Variants in ARHGEF26 observed in about 807,000 individuals in gnomAD.
ARHGEF26 encodes the protein Rho guanine nucleotide exchange factor (GEF) 26.
Under a neutral mutation model 89.4 loss-of-function variants are expected in ARHGEF26, and 59 were observed. The ratio of observed to expected loss-of-function variants is 0.66; its 90% confidence interval spans 0.54 to 0.82. The LOEUF is 0.82. ARHGEF26 is among the 40% of genes least tolerant of loss of function. ARHGEF26 has a pLI of 0.00. For synonymous variants in ARHGEF26, 500 were observed against 428.4 expected, an observed-to-expected ratio of 1.17 and a Z score of -2.06; for missense variants, 1,234 against 1,085.6, an observed-to-expected ratio of 1.14 and a Z score of -1.92.
At chr3:154,239,297 A>AGTGTGTGT (rs1717337753) in intron 11 of ARHGEF26, among the ~76,000 whole-genome samples, 2 of 52,952 alleles carry the variant, frequency 3.8e-5, no homozygotes, top group African/African-American at 1.4e-4. Context: ...AGAGAGAGAG[A>AGTGTGTGT]GAGTGTGTGT....
At chr3:154,183,800 A>G (rs1300649690) in intron 6 of ARHGEF26, among the ~76,000 whole-genome samples, 2 of 152,214 alleles carry the variant, frequency 1.3e-5, no homozygotes, top group Admixed American at 1.3e-4. Flanking sequence ...GTGATAAATG[A>G]AATTTTCCTT....
At chr3:154,136,217 T>C (rs1032460702) in intron 4 of ARHGEF26, among the ~76,000 whole-genome samples, 1 of 151,874 alleles carries the variant, frequency 6.6e-6, no homozygotes, top group Non-Finnish European at 1.5e-5. Context: ...TTTCTTAAAG[T>C]ATTTTAATTT....
At chr3:154,246,433 G>A (rs959481117) in intron 12 of ARHGEF26, among the ~76,000 whole-genome samples, 9 of 152,168 alleles carry the variant, frequency 5.9e-5, no homozygotes, top group African/African-American at 1.9e-4. Context: ...TCCTCAAGTA[G>A]TTACCAGCCT....
At chr3:154,178,783 T>C (rs1166457074) in intron 6 of ARHGEF26, among the ~76,000 whole-genome samples, 1 of 152,180 alleles carries the variant, frequency 6.6e-6, no homozygotes, top group African/African-American at 2.4e-5. Flanking sequence ...ATGTTTAACA[T>C]TTTGAAGAAC....
At chr3:154,236,074 G>A (rs1181328144) in intron 11 of ARHGEF26, among the ~76,000 whole-genome samples, 1 of 152,028 alleles carries the variant, frequency 6.6e-6, no homozygotes, top group East Asian at 1.9e-4. Context: ...TTGATAATAA[G>A]GTATATCATT....
intron 13 of ARHGEF26, among the ~76,000 whole-genome samples, chr3:154,254,218 T>C (rs1038483615): frequency 6.6e-6 from 1 of 152,194 alleles, no homozygotes; most frequent in African/African-American, 2.4e-5. Context: ...CCCGGCCACA[T>C]GTCAGCATTT....
intron 9 of ARHGEF26, among the ~76,000 whole-genome samples, chr3:154,198,635 C>T (rs912279279): frequency 3.3e-5 from 5 of 151,916 alleles, no homozygotes; most frequent in African/African-American, 1.2e-4. Context: ...GAATGGAAAA[C>T]CAAATATCAT....
Position 154,227,872 on chromosome 3 carries a change from G to A in ARHGEF26, c.2090+1862G>A, listed in dbSNP as rs1446149670. Among the ~76,000 whole-genome samples, 3 of 152,092 alleles carry A rather than the reference G, an allele frequency of 2.0e-5. 1 individual carries two copies. The highest frequency in any genetic ancestry group is 4.8e-5 in the African/African-American group (2 of 41,382). ...CAATTTTAAATATAAATGTAATTTC[G>A]ATTATGATGACTTTGGTGACTTAAT... On this transcript the variant is annotated intron_variant, in intron 11 of 14. Coordinates refer to ENST00000465093, the MANE Select transcript of ARHGEF26 (RefSeq NM_015595.4).
rs1324480739 is a variant in ARHGEF26, at chr3:154,255,445, G to A, written c.2588G>A (p.Arg863His). The change falls in exon 15 of 15, where the codon CGC becomes CAC. Residue 863 changes from arginine to histidine, a missense_variant. Physicochemically the swap from Arg to His is conservative, Grantham distance 29. Transcript: ENST00000465093. ...TIDKNVERMG[R>H]LLGLETNV is the part of the protein sequence containing the mutation. ...GATAAGAATGTGGAGAGAATGGGACGCTTGCTAGGACTGGAGACCAACGTG... is the reference window on the plus strand; with the variant it reads ...GATAAGAATGTGGAGAGAATGGGACACTTGCTAGGACTGGAGACCAACGTG... The A allele has an allele frequency of 6.2e-7, 1 of 1,613,700 alleles. No individual in the cohort carries two copies. Among genetic ancestry groups the A allele is most frequent in the Non-Finnish European group, 8.5e-7 (1 of 1,179,750 alleles).
At chr3:154,204,691 G>A (rs1455377255) in intron 9 of ARHGEF26, among the ~76,000 whole-genome samples, 1 of 151,982 alleles carries the variant, frequency 6.6e-6, no homozygotes, top group Non-Finnish European at 1.5e-5. Flanking sequence ...ACTGCTTTTA[G>A]TGTATCACAT....
intron 6 of ARHGEF26, among the ~76,000 whole-genome samples, chr3:154,158,532 G>C (rs1023592253): frequency 1.3e-5 from 2 of 152,118 alleles, no homozygotes; most frequent in Admixed American, 6.6e-5. Flanking sequence ...CTTTGGGTCA[G>C]TGTCAGGGAA....
At chr3:154,239,261 GGA>G (rs869046214) in intron 11 of ARHGEF26, among the ~76,000 whole-genome samples, 48 of 105,650 alleles carry the variant, frequency 4.5e-4, no homozygotes, top group Admixed American at 1.1e-3. Context: ...AGAGAGAGAG[GGA>G]GAGAGAGAGA....
intron 4 of ARHGEF26, among the ~76,000 whole-genome samples, chr3:154,134,238 A>T (rs995816098): frequency 6.6e-6 from 1 of 151,984 alleles, no homozygotes; most frequent in African/African-American, 2.4e-5. Context: ...GACTTCCAGT[A>T]CTATTGTATT....
At chr3:154,235,156 C>CA (rs888637887) in intron 11 of ARHGEF26, among the ~76,000 whole-genome samples, 3 of 151,958 alleles carry the variant, frequency 2.0e-5, no homozygotes, top group Non-Finnish European at 4.4e-5. Context: ...TGCCATCTCT[C>CA]AAAAAACCCT....
intron 6 of ARHGEF26, among the ~76,000 whole-genome samples, chr3:154,176,760 G>C (rs16823767): frequency 6.6e-6 from 1 of 152,052 alleles, no homozygotes; most frequent in African/African-American, 2.4e-5. Flanking sequence ...GGCCAGAGAC[G>C]TTTTTAGAAG....
chr3:154,190,288 G>T (rs1713875561), intron 7 of ARHGEF26, among the ~76,000 whole-genome samples: 7 of 152,170 alleles, frequency 4.6e-5, no homozygotes, highest in Admixed American at 4.6e-4. Context: ...GAGGCAGGTG[G>T]ATTACTTGAG....
chr3:154,205,379 G>A (rs1007662079), intron 9 of ARHGEF26, among the ~76,000 whole-genome samples: 5 of 151,372 alleles, frequency 3.3e-5, no homozygotes, highest in African/African-American at 1.2e-4. Context: ...TCCATCCTTT[G>A]TTTTTAGCCT....
In ARHGEF26 at chr3:154,152,928, A is replaced by G; in HGVS notation, c.1483A>G (p.Lys495Glu). Residue 495 changes from lysine to glutamate, a missense_variant, in exon 6 of 15, where the codon AAA (lysine) becomes GAA (glutamate). By Grantham distance (56) the Lys-to-Glu change is moderately conservative (BLOSUM62 1). Transcript: ENST00000465093. Reference sequence around the variant, plus strand: ...TATTACAGATGTCTGTGAGGCAAGCAAAAAGTAAGTGCACTGCAGTCTGCC... The same window carrying G: ...TATTACAGATGTCTGTGAGGCAAGCGAAAAGTAAGTGCACTGCAGTCTGCC... ...SNITDVCEAS[K>E]KFFIELEARH... 1 of 1,583,556 alleles carries G rather than the reference A, an allele frequency of 6.3e-7. No individual in the cohort carries two copies. The highest frequency in any genetic ancestry group is 8.6e-7 in the Non-Finnish European group (1 of 1,166,314).
At chr3:154,157,516 G>T (rs1453947780) in intron 6 of ARHGEF26, among the ~76,000 whole-genome samples, 1 of 152,136 alleles carries the variant, frequency 6.6e-6, no homozygotes, top group Non-Finnish European at 1.5e-5. Context: ...GACTGATTTT[G>T]TGGCATTGTA....
Sources: gnomAD v4.1 joint callset for allele counts (sites outside exome capture counted in the v4.1 genomes callset) on GRCh38, gnomAD v4.1.1 for gene constraint, MANE v1.5 for transcripts, NCBI Gene and HGNC (gene_info 2026-07-23, HGNC 2026-07-21) for gene names.